Variants in RETREG1 observed in about 807,000 individuals in gnomAD.
RETREG1 encodes family with sequence similarity 134 member B.
In RETREG1, 44 loss-of-function variants were observed where a neutral mutation model predicts 54.8. That is an observed-to-expected ratio of 0.80 (90% CI 0.63 to 1.03). RETREG1 has a LOEUF of 1.03. Ranked by LOEUF, RETREG1 falls within the 50% of genes least tolerant of loss-of-function variation. The probability of loss-of-function intolerance (pLI) is 0.00; values close to 1 mark genes in which losing one functional copy is unlikely to be tolerated. For missense variants in RETREG1, 554 were observed against 605.1 expected, an observed-to-expected ratio of 0.92 and a Z score of 0.89; for synonymous variants, 217 against 238.5, an observed-to-expected ratio of 0.91 and a Z score of 0.83.
At chr5:16,547,765 C>T (rs1579672280) in intron 3 of RETREG1, among the ~76,000 whole-genome samples, 1 of 152,228 alleles carries the variant, frequency 6.6e-6, no homozygotes, top group East Asian at 1.9e-4. Context: ...AACATTTTAA[C>T]GTCAAATCTG....
chr5:16,600,396 G>A (rs923665342), intron 1 of RETREG1, among the ~76,000 whole-genome samples: 1 of 152,242 alleles, frequency 6.6e-6, no homozygotes, highest in Non-Finnish European at 1.5e-5. Flanking sequence ...GACAGAAGTA[G>A]GAGGTTGTTC....
intron 3 of RETREG1, among the ~76,000 whole-genome samples, chr5:16,501,141 A>C (rs906353209): frequency 6.6e-6 from 1 of 152,236 alleles, no homozygotes. Flanking sequence ...AGGACTTAAC[A>C]ATGAGCCATT....
intron 3 of RETREG1, among the ~76,000 whole-genome samples, chr5:16,531,381 G>A (rs1189369506): frequency 6.6e-6 from 1 of 152,130 alleles, no homozygotes; most frequent in African/African-American, 2.4e-5. Flanking sequence ...TGAAATGACC[G>A]ATGCATTTAA....
chr5:16,600,348 C>T (rs1259012707), intron 1 of RETREG1, among the ~76,000 whole-genome samples: 1 of 152,192 alleles, frequency 6.6e-6, no homozygotes, highest in African/African-American at 2.4e-5. Context: ...TTACTACCCA[C>T]CCAGCAAGGT....
At chr5:16,574,717 A>G (rs1452808937) in intron 1 of RETREG1, among the ~76,000 whole-genome samples, 1 of 152,198 alleles carries the variant, frequency 6.6e-6, no homozygotes, top group East Asian at 1.9e-4. Context: ...AGGCCCCCTG[A>G]AACAGGTGGT....
intron 3 of RETREG1, among the ~76,000 whole-genome samples, chr5:16,537,901 A>G (rs1741125687): frequency 6.6e-6 from 1 of 152,106 alleles, no homozygotes; most frequent in African/African-American, 2.4e-5. Context: ...TTGGGAGTGA[A>G]TATCAGGCAA....
chr5:16,534,192 G>T (rs181957505), intron 3 of RETREG1, among the ~76,000 whole-genome samples: 1 of 152,230 alleles, frequency 6.6e-6, no homozygotes, highest in Non-Finnish European at 1.5e-5. Context: ...GCTCACACCT[G>T]TAATCCCAGC....
intron 3 of RETREG1, among the ~76,000 whole-genome samples, chr5:16,558,303 T>A (rs1422117605): frequency 3.3e-5 from 5 of 152,086 alleles, no homozygotes; most frequent in African/African-American, 1.2e-4. Flanking sequence ...GTTTGGCCCT[T>A]TCTTGCTCTC....
At chr5:16,528,448 C>T (rs969445098) in intron 3 of RETREG1, among the ~76,000 whole-genome samples, 1 of 152,110 alleles carries the variant, frequency 6.6e-6, no homozygotes, top group African/African-American at 2.4e-5. Flanking sequence ...TTCAAGGTCA[C>T]CTTGTGATGG....
rs750040156 is a variant in RETREG1, at chr5:16,616,708, G to C, written c.264C>G (p.Ser88Arg). ...GCAGGCTCCGCAGCGGCCTCTTCCA[G>C]CTCAGCAGCTCGTCGGCGCGGCAGC... ...WLGCRADELL[S>R]WKRPLRSLLG... Residue 88 changes from serine to arginine, a missense_variant, in exon 1 of 9, where the codon AGC (serine) becomes AGG (arginine). Transcript: ENST00000306320. The C allele has an allele frequency of 2.5e-6, 4 of 1,591,218 alleles. No individual in the cohort carries two copies. Among genetic ancestry groups the C allele is most frequent in the Middle Eastern group, 3.3e-4 (2 of 6,026 alleles).
At chr5:16,527,417 G>A (rs1049010180) in intron 3 of RETREG1, among the ~76,000 whole-genome samples, 7 of 152,200 alleles carry the variant, frequency 4.6e-5, no homozygotes, top group Admixed American at 4.6e-4. Context: ...GAAACAGGAT[G>A]TAGCCATGTG....
intron 1 of RETREG1, among the ~76,000 whole-genome samples, chr5:16,587,881 T>C (rs970149273): frequency 1.3e-5 from 2 of 152,068 alleles, no homozygotes; most frequent in Non-Finnish European, 2.9e-5. Flanking sequence ...CTGCCAGAGG[T>C]CTGCTTACCC....
At chr5:16,515,286 A>G (rs1740313030) in intron 3 of RETREG1, among the ~76,000 whole-genome samples, 1 of 152,164 alleles carries the variant, frequency 6.6e-6, no homozygotes, top group African/African-American at 2.4e-5. Flanking sequence ...AGTGCAAAGA[A>G]TCCATCACCT....
At chr5:16,556,673 C>A (rs923755422) in intron 3 of RETREG1, among the ~76,000 whole-genome samples, 12 of 152,154 alleles carry the variant, frequency 7.9e-5, no homozygotes, top group African/African-American at 2.9e-4. Flanking sequence ...GCCAGACCCA[C>A]CTAAAATCCT....
At chr5:16,550,796 G>T (rs568113751) in intron 3 of RETREG1, among the ~76,000 whole-genome samples, 1 of 152,354 alleles carries the variant, frequency 6.6e-6, no homozygotes, top group African/African-American at 2.4e-5. Context: ...CCATGGAAAG[G>T]AATGTAGTGC....
At chr5:16,514,980 A>AT (rs1304430533) in intron 3 of RETREG1, among the ~76,000 whole-genome samples, 12 of 147,778 alleles carry the variant, frequency 8.1e-5, no homozygotes, top group African/African-American at 1.2e-4. Context: ...TATATATATA[A>AT]AATTTTCTTT....
intron 1 of RETREG1, among the ~76,000 whole-genome samples, chr5:16,596,285 A>G (rs751334886): frequency 6.6e-6 from 1 of 152,228 alleles, no homozygotes; most frequent in Non-Finnish European, 1.5e-5. Context: ...CTGAAAACAG[A>G]CTAGTGCCTT....
At chr5:16,569,876 GAGA>G (rs1304101920) in intron 2 of RETREG1, among the ~76,000 whole-genome samples, 1 of 152,230 alleles carries the variant, frequency 6.6e-6, no homozygotes, top group African/African-American at 2.4e-5. Flanking sequence ...ATAGACAGAA[GAGA>G]AGGTCAGGTG....
chr5:16,523,516 T>C (rs890288182), intron 3 of RETREG1, among the ~76,000 whole-genome samples: 14 of 152,004 alleles, frequency 9.2e-5, no homozygotes, highest in Admixed American at 2.0e-4. Flanking sequence ...TCACATCATA[T>C]TTCGGGGCTC....
Sources: gnomAD v4.1 joint callset for allele counts (sites outside exome capture counted in the v4.1 genomes callset) on GRCh38, gnomAD v4.1.1 for gene constraint, MANE v1.5 for transcripts, NCBI Gene and HGNC (gene_info 2026-07-23, HGNC 2026-07-21) for gene names.